GFRA1: variants seen among roughly 807,000 people sequenced by gnomAD.
GFRA1 encodes GDNF family receptor alpha 1, also known as GDNF family receptor alpha-1.
GFRA1 carries 16 observed loss-of-function variants against 51.6 expected under a neutral mutation model. The ratio of observed to expected loss-of-function variants is 0.31; its 90% CI spans 0.21 to 0.47. The LOEUF is 0.47. Among genes scored for constraint, GFRA1 ranks in the 20% least tolerant of loss-of-function variants. The pLI is 1.00. For missense variants in GFRA1, 530 were observed against 594.3 expected, an observed-to-expected ratio of 0.89 and a Z score of 1.13; for synonymous variants, 270 against 241.3, an observed-to-expected ratio of 1.12 and a Z score of -1.10.
In GFRA1 at chr10:116,057,653, C is replaced by T. The variant is rs1343845898; in HGVS notation, c.*6745G>A. The T allele has an allele frequency of 1.3e-5, 2 of 151,960 alleles. No individual in the cohort carries two copies. Among genetic ancestry groups the T allele is most frequent in the African/African-American group, 4.8e-5 (2 of 41,362 alleles). 9.4% of individuals were successfully genotyped at this position (151,960 alleles called of 1,614,324 possible). On this transcript the variant is annotated 3_prime_UTR_variant, in exon 11 of 11. Coordinates refer to ENST00000355422, the MANE Select transcript of GFRA1 (RefSeq NM_005264.8). Reference sequence around the variant, plus strand: ...AACTCTGCAGTGAAAAGTGTTTCCCCCACTCCCTTGGGCGAGGGAAGGGAG... The same window carrying T: ...AACTCTGCAGTGAAAAGTGTTTCCCTCACTCCCTTGGGCGAGGGAAGGGAG...
chr10:116,205,947 C>T (rs1006261942), intron 5 of GFRA1, among the ~76,000 whole-genome samples: 1 of 151,614 alleles, frequency 6.6e-6, no homozygotes, highest in African/African-American at 2.4e-5. Context: ...CACACACACA[C>T]ACACACACAC....
chr10:116,108,724 G>A lies in GFRA1; in HGVS notation c.771-11960C>T, dbSNP rs115788475. Among the ~76,000 whole-genome samples the A allele has an allele frequency of 3.9e-3, 594 of 152,234 alleles. 2 individuals carry two copies. Among genetic ancestry groups the A allele is most frequent in the African/African-American group, 0.014 (567 of 41,544 alleles). ...CACCAAGTCCCCTCACTGGCTCTGC[G>A]CCCCGAGCAGGGTGCCAGCTTCAGC... On this transcript the variant is annotated intron_variant, in intron 6 of 10. Transcript: ENST00000355422.
intron 4 of GFRA1, among the ~76,000 whole-genome samples, chr10:116,219,335 G>C (rs1965771888): frequency 6.6e-6 from 1 of 152,190 alleles, no homozygotes; most frequent in Non-Finnish European, 1.5e-5. Context: ...TGATAAAGTA[G>C]AACAGTATGG....
intron 6 of GFRA1, among the ~76,000 whole-genome samples, chr10:116,107,321 G>A (rs1957043823): frequency 6.6e-6 from 1 of 152,188 alleles, no homozygotes; most frequent in Non-Finnish European, 1.5e-5. Context: ...CACTGACCCT[G>A]AGACCTTATG....
At chr10:116,234,342 C>A (rs1339172289) in intron 4 of GFRA1, among the ~76,000 whole-genome samples, 1 of 152,150 alleles carries the variant, frequency 6.6e-6, no homozygotes, top group African/African-American at 2.4e-5. Context: ...AAAGAAGAAA[C>A]CAGCTCCAAC....
At chr10:116,167,515 C>T (rs977322882) in intron 5 of GFRA1, among the ~76,000 whole-genome samples, 1 of 152,124 alleles carries the variant, frequency 6.6e-6, no homozygotes, top group African/African-American at 2.4e-5. Flanking sequence ...CAATGCCTGG[C>T]ATGTAATGTC....
At chr10:116,234,596 A>G (rs550153234) in intron 4 of GFRA1, among the ~76,000 whole-genome samples, 13 of 152,332 alleles carry the variant, frequency 8.5e-5, no homozygotes, top group African/African-American at 2.2e-4. Context: ...TTGGCCTCTT[A>G]ATGTTTCTCT....
At position 116,092,094 on chromosome 10, in the gene GFRA1, C is replaced by T. The variant is rs554707254; in HGVS notation, c.1015+1608G>A. The stretch of plus-strand genomic sequence containing the variant: ...GAAAAAGAGGAAATATACATACATA[C>T]GTACACACACACACACACACACACA... On this transcript the variant is annotated intron_variant, in intron 8 of 10. Transcript: ENST00000355422. 2.2e-3 allele frequency among the ~76,000 whole-genome samples: 263 copies of T among 121,260 alleles called. 3 individuals carry two copies. The highest frequency in any genetic ancestry group is 5.3e-3 in the African/African-American group (151 of 28,378). 79.6% of individuals were successfully genotyped at this position (121,260 alleles called of 152,430 possible). A position where few individuals can be genotyped will look rare whatever the true frequency, so the allele number is the denominator to read the frequency against.
intron 5 of GFRA1, among the ~76,000 whole-genome samples, chr10:116,158,216 G>A (rs771430879): frequency 2.6e-5 from 4 of 152,186 alleles, no homozygotes; most frequent in Non-Finnish European, 5.9e-5. Flanking sequence ...ATTATTCCTG[G>A]TTGGTAAGCT....
chr10:116,088,813 C>T (rs61864910), intron 9 of GFRA1, among the ~76,000 whole-genome samples: 55,731 of 147,936 alleles, frequency 0.38, 13,205 homozygotes, highest in Non-Finnish European at 0.55. Flanking sequence ...CCCAGCTACG[C>T]GGGAGGCTAA....
At chr10:116,079,078 G>T (rs923944386) in intron 9 of GFRA1, among the ~76,000 whole-genome samples, 1 of 151,988 alleles carries the variant, frequency 6.6e-6, no homozygotes, top group African/African-American at 2.4e-5. Context: ...CATCCAGCGC[G>T]CTGGATGCGT....
chr10:116,072,906 A>G (rs1413431659), intron 9 of GFRA1, among the ~76,000 whole-genome samples: 1 of 152,216 alleles, frequency 6.6e-6, no homozygotes, highest in Admixed American at 6.5e-5. Context: ...GTGATACTCT[A>G]GATGGAAGTC....
intron 5 of GFRA1, among the ~76,000 whole-genome samples, chr10:116,139,514 AT>A (rs1314075499): frequency 2.6e-5 from 4 of 152,238 alleles, no homozygotes; most frequent in Non-Finnish European, 4.4e-5. Flanking sequence ...GAATGGTTCC[AT>A]TTAAGCATGT....
At chr10:116,244,134 G>A (rs1967651276) in intron 4 of GFRA1, among the ~76,000 whole-genome samples, 1 of 151,962 alleles carries the variant, frequency 6.6e-6, no homozygotes, top group African/African-American at 2.4e-5. Flanking sequence ...AGTCATGAAA[G>A]AGCCTACATG....
chr10:116,114,782 G>T (rs780809111), intron 6 of GFRA1, among the ~76,000 whole-genome samples: 1 of 152,144 alleles, frequency 6.6e-6, no homozygotes, highest in Non-Finnish European at 1.5e-5. Flanking sequence ...GATAAAAACT[G>T]GTTGGAAAAG....
rs1178569792 is a variant in GFRA1 at position 116,063,707 on chromosome 10, C to A, written c.*691G>T. ...GATTGAGGTATTGAATCGGCACACT[C>A]ATTCCCCACTCTCTATTTTGACGAA... On this transcript the variant is annotated 3_prime_UTR_variant, in exon 11 of 11. Transcript: ENST00000355422. The A allele has an allele frequency of 6.6e-6, 1 of 152,470 alleles. No homozygotes were observed. Among genetic ancestry groups the A allele is most frequent in the East Asian group, 1.9e-4 (1 of 5,196 alleles). The allele number at this position is 152,470 out of a possible 1,614,324, so 9.4% of individuals were successfully genotyped here.
intron 6 of GFRA1, among the ~76,000 whole-genome samples, chr10:116,107,887 T>C (rs1170173395): frequency 6.6e-6 from 1 of 152,210 alleles, no homozygotes; most frequent in African/African-American, 2.4e-5. Context: ...AGAATTAAAA[T>C]GGCATGGGTT....
intron 5 of GFRA1, among the ~76,000 whole-genome samples, chr10:116,198,619 C>T (rs1020231381): frequency 1.3e-5 from 2 of 152,196 alleles, no homozygotes; most frequent in Non-Finnish European, 2.9e-5. Context: ...TTTCCTCTCT[C>T]CCAAGCCCTG....
intron 5 of GFRA1, among the ~76,000 whole-genome samples, chr10:116,184,522 G>A (rs1962523477): frequency 6.6e-6 from 1 of 152,236 alleles, no homozygotes; most frequent in African/African-American, 2.4e-5. Context: ...GCGGCCCTGG[G>A]TACAGCCCCA....
Sources: gnomAD v4.1 joint callset for allele counts (sites outside exome capture counted in the v4.1 genomes callset) on GRCh38, gnomAD v4.1.1 for gene constraint, MANE v1.5 for transcripts, NCBI Gene and HGNC (gene_info 2026-07-23, HGNC 2026-07-21) for gene names.